The following CALN1 variants were observed in gnomAD, a reference collection of about 807,000 sequenced individuals.
The protein encoded by CALN1 is calneuron 1.
A neutral mutation model predicts 30.6 loss-of-function variants in CALN1; 17 were observed. That is an observed-to-expected ratio of 0.56 (90% CI 0.38 to 0.83). CALN1 has a LOEUF of 0.83. CALN1 is among the 40% of genes least tolerant of loss of function. The probability of loss-of-function intolerance (pLI) is 0.00; values close to 1 mark genes in which losing one functional copy is unlikely to be tolerated. For synonymous variants in CALN1, 156 were observed against 131.4 expected, an observed-to-expected ratio of 1.19 and a Z score of -1.28; for missense variants, 291 against 354.9, an observed-to-expected ratio of 0.82 and a Z score of 1.45.
intron 3 of CALN1, among the ~76,000 whole-genome samples, chr7:72,161,988 G>A (rs1180527651): frequency 6.8e-6 from 1 of 147,232 alleles, no homozygotes; most frequent in Non-Finnish European, 1.5e-5. Flanking sequence ...GGAACTGAAT[G>A]ATATAATACT....
intron 1 of CALN1, among the ~76,000 whole-genome samples, chr7:72,404,610 AT>A (rs1471538023): frequency 6.6e-6 from 1 of 152,088 alleles, no homozygotes; most frequent in East Asian, 1.9e-4. Flanking sequence ...ATGAGTCTCC[AT>A]TTCTCACTAC....
rs185415143 is a variant in CALN1, at chr7:72,324,438, C to G, written c.120-45628G>C. On this transcript the variant is annotated intron_variant, in intron 2 of 6. Coordinates refer to ENST00000395275, the MANE Select transcript of CALN1 (RefSeq NM_031468.4). ...GTCACTGTCCCAATCATACCTGCCT[C>G]TTGCATTTACCTTCCCTCCTAATAT... Among the ~76,000 whole-genome samples, 47 of 152,152 alleles carry G rather than the reference C, an allele frequency of 3.1e-4. No homozygotes were observed. The East Asian group carries it at 7.5e-3, about 24-fold the overall frequency.
At chr7:72,297,375 C>T (rs995257623) in intron 2 of CALN1, among the ~76,000 whole-genome samples, 1 of 151,938 alleles carries the variant, frequency 6.6e-6, no homozygotes, top group Admixed American at 6.6e-5. Flanking sequence ...GCTAGTTCTC[C>T]AGAACAAAAC....
intron 4 of CALN1, among the ~76,000 whole-genome samples, chr7:72,102,511 A>C (rs1806749997): frequency 6.6e-6 from 1 of 152,174 alleles, no homozygotes; most frequent in Non-Finnish European, 1.5e-5. Context: ...AAACTCAGTA[A>C]ATAGAAAATA....
chr7:72,460,913 G>A, the CALN1 span, among the ~76,000 whole-genome samples: 2 of 152,278 alleles, frequency 1.3e-5, no homozygotes, highest in African/African-American at 4.8e-5. Context: ...ATCACCCTGA[G>A]TCTGGGTTCA....
chr7:71,815,658 T>C (rs186292385), intron 5 of CALN1, among the ~76,000 whole-genome samples: 259 of 152,252 alleles, frequency 1.7e-3, no homozygotes, highest in Non-Finnish European at 2.8e-3. Context: ...TACTCTGCAC[T>C]ATGAGGAAGG....
chr7:72,125,016 T>C (rs1331498867), intron 3 of CALN1, among the ~76,000 whole-genome samples: 2 of 152,152 alleles, frequency 1.3e-5, no homozygotes, highest in East Asian at 1.9e-4. Flanking sequence ...TAATATACCA[T>C]GGTTTTTGTT....
chr7:71,980,187 CTTTT>C (rs60273576), intron 5 of CALN1, among the ~76,000 whole-genome samples: 4 of 107,254 alleles, frequency 3.7e-5, no homozygotes, highest in Admixed American at 9.6e-5. Context: ...TCTTCTTTTT[CTTTT>C]TTTTTTTTTT....
At chr7:72,105,767 A>G (rs1343665447) in intron 4 of CALN1, among the ~76,000 whole-genome samples, 1 of 117,516 alleles carries the variant, frequency 8.5e-6, no homozygotes, top group Non-Finnish European at 1.7e-5. Flanking sequence ...AAGAGGAAGA[A>G]GAAGGAGGAG....
intron 2 of CALN1, among the ~76,000 whole-genome samples, chr7:72,371,225 A>G (rs753523135): frequency 2.0e-4 from 31 of 152,162 alleles, no homozygotes; most frequent in Admixed American, 1.1e-3. Context: ...TTTACATTTA[A>G]GTCTGTGATC....
chr7:72,029,766 C>T (rs186164065), intron 4 of CALN1, among the ~76,000 whole-genome samples: 92 of 152,324 alleles, frequency 6.0e-4, no homozygotes, highest in African/African-American at 2.0e-3. Flanking sequence ...GCTGCATGTA[C>T]CACTCCCATT....
intron 5 of CALN1, among the ~76,000 whole-genome samples, chr7:71,995,103 C>T (rs529094278): frequency 2.6e-5 from 4 of 152,244 alleles, no homozygotes; most frequent in South Asian, 2.1e-4. Flanking sequence ...CCGCCTGCCT[C>T]GGCCTCCCAA....
At chr7:72,028,518 G>A (rs867874265) in intron 4 of CALN1, among the ~76,000 whole-genome samples, 6 of 152,214 alleles carry the variant, frequency 3.9e-5, no homozygotes, top group South Asian at 2.1e-4. Context: ...GAGAAGAAGC[G>A]ATGGAGAAGG....
At chr7:72,312,549 C>T (rs1201097681) in intron 2 of CALN1, among the ~76,000 whole-genome samples, 1 of 152,004 alleles carries the variant, frequency 6.6e-6, no homozygotes, top group African/African-American at 2.4e-5. Context: ...GCAGGTGAGC[C>T]ATGTATACCT....
intron 5 of CALN1, among the ~76,000 whole-genome samples, chr7:71,846,923 TATTATATATAC>T (rs1790293275): frequency 6.8e-6 from 1 of 146,422 alleles, no homozygotes; most frequent in Non-Finnish European, 1.5e-5. Flanking sequence ...CATATATGTA[TATTATATATAC>T]ATATATGTAT....
At chr7:72,247,739 C>T (rs77659610) in intron 3 of CALN1, among the ~76,000 whole-genome samples, 17,515 of 152,056 alleles carry the variant, frequency 0.12, 1,475 homozygotes, top group East Asian at 0.43. Flanking sequence ...GCCTGCAATC[C>T]CAACACTTTG....
At chr7:72,075,141 GCTCT>G (rs982672478) in intron 4 of CALN1, among the ~76,000 whole-genome samples, 10 of 152,294 alleles carry the variant, frequency 6.6e-5, no homozygotes, top group African/African-American at 2.4e-4. Flanking sequence ...GGCAGGAGGA[GCTCT>G]CTCTAAGTCA....
chr7:72,080,762 G>A (rs1467089703), intron 4 of CALN1, among the ~76,000 whole-genome samples: 2 of 152,166 alleles, frequency 1.3e-5, no homozygotes, highest in Admixed American at 1.3e-4. Flanking sequence ...CTGGGCAGAG[G>A]TACCTGGAAT....
At chr7:72,093,163 A>C (rs935023112) in intron 4 of CALN1, among the ~76,000 whole-genome samples, 13 of 152,210 alleles carry the variant, frequency 8.5e-5, no homozygotes, top group African/African-American at 3.1e-4. Flanking sequence ...AGCAAAATGA[A>C]TTGCCACTTT....
Sources: gnomAD v4.1 joint callset for allele counts (sites outside exome capture counted in the v4.1 genomes callset) on GRCh38, gnomAD v4.1.1 for gene constraint, MANE v1.5 for transcripts, NCBI Gene and HGNC (gene_info 2026-07-23, HGNC 2026-07-21) for gene names.